The following RAB5C variants were observed in gnomAD, a reference collection of about 807,000 sequenced individuals.
The protein encoded by RAB5C is RAB5C, member RAS oncogene family, also known as ras-related protein Rab-5C.
Under a neutral mutation model 25.2 loss-of-function variants are expected in RAB5C, and 4 were observed. The observed-to-expected ratio is 0.16, with a 90% CI of 0.08 to 0.36. The LOEUF (loss-of-function observed/expected upper bound fraction) is 0.36. Ranked by LOEUF, RAB5C falls within the 10% of genes least tolerant of loss-of-function variation. The pLI, the probability that RAB5C is intolerant of heterozygous loss-of-function variation, is 1.00. For missense variants in RAB5C, 199 were observed against 283.8 expected, an observed-to-expected ratio of 0.70 and a Z score of 2.15; for synonymous variants, 100 against 106.4, an observed-to-expected ratio of 0.94 and a Z score of 0.37.
chr17:42,145,758 A>G (rs2079631621), intron 1 of RAB5C, among the ~76,000 whole-genome samples: 1 of 152,246 alleles, frequency 6.6e-6, no homozygotes, highest in South Asian at 2.1e-4. Context: ...TCTGTTAAAA[A>G]GAGAAAAATA....
chr17:42,131,791 C>G, intron 1 of RAB5C: 1 of 578,524 alleles, frequency 1.7e-6, no homozygotes, highest in Non-Finnish European at 3.1e-6. Context: ...TTTGGAATTG[C>G]AGACACATGA....
chr17:42,153,687 AAGGTAC>A, intron 1 of RAB5C, among the ~76,000 whole-genome samples: 1 of 152,280 alleles, frequency 6.6e-6, no homozygotes. Context: ...ACTCCTCGTT[AAGGTAC>A]AGTCTCCGGC....
At chr17:42,140,676 A>G (rs996199498) in intron 1 of RAB5C, among the ~76,000 whole-genome samples, 2 of 151,586 alleles carry the variant, frequency 1.3e-5, no homozygotes, top group Non-Finnish European at 2.9e-5. Flanking sequence ...GGTGTGCACC[A>G]CCATACCCAG....
chr17:42,127,832 T>C (rs932427058), intron 4 of RAB5C, among the ~76,000 whole-genome samples: 1 of 151,388 alleles, frequency 6.6e-6, no homozygotes, highest in Admixed American at 6.6e-5. Flanking sequence ...TGGCTGTTTT[T>C]TTTTTTTTTT....
intron 5 of RAB5C, among the ~76,000 whole-genome samples, chr17:42,126,372 C>T (rs1598241810): frequency 6.6e-6 from 1 of 152,042 alleles, no homozygotes; most frequent in East Asian, 1.9e-4. Flanking sequence ...GTGGCTTACG[C>T]TCGTAATCCC....
At chr17:42,152,693 C>A (rs764928037) in intron 1 of RAB5C, among the ~76,000 whole-genome samples, 8 of 151,722 alleles carry the variant, frequency 5.3e-5, no homozygotes, top group Non-Finnish European at 8.8e-5. Flanking sequence ...GCAGGAGAAT[C>A]CCTTGATCTC....
rs760405539 is a variant in RAB5C at position 42,128,778 on chromosome 17, G to A, written c.189C>T (p.Val63=). The A allele has an allele frequency of 2.6e-6, 4 of 1,556,500 alleles. No individual in the cohort carries two copies. The highest frequency in any genetic ancestry group is 3.5e-6 in the Non-Finnish European group (4 of 1,155,006). Reference sequence around the variant, plus strand: ...ACTTGACTGTTGTGTCATCCAGGCAGACAGTCTGTGTGAGGAAGGCCGCTG... The same window carrying A: ...ACTTGACTGTTGTGTCATCCAGGCAAACAGTCTGTGTGAGGAAGGCCGCTG... ...TIGAAFLTQT[V]CLDDTTVKFE... is the part of the protein sequence containing the mutation. The change falls in exon 3 of 6, where the codon GTC becomes GTT. Residue 63 remains valine (V), a synonymous_variant. Coordinates refer to ENST00000346213, the MANE Select transcript of RAB5C (RefSeq NM_004583.4).
At chr17:42,132,696 CT>C (rs1045420233) in intron 1 of RAB5C, among the ~76,000 whole-genome samples, 1 of 151,256 alleles carries the variant, frequency 6.6e-6, no homozygotes, top group Non-Finnish European at 1.5e-5. Flanking sequence ...TTCTTTCTTT[CT>C]TTCTTTCTTT....
chr17:42,131,605 A>C, intron 1 of RAB5C: 1 of 1,533,950 alleles, frequency 6.5e-7, no homozygotes, highest in Non-Finnish European at 8.7e-7. Flanking sequence ...TTCAATAGAG[A>C]CCTCAGTTCC....
At chr17:42,133,862 T>C (rs868384180) in intron 1 of RAB5C, among the ~76,000 whole-genome samples, 1 of 152,290 alleles carries the variant, frequency 6.6e-6, no homozygotes, top group African/African-American at 2.4e-5. Flanking sequence ...TCCAAGACTG[T>C]TGGTGAACAG....
chr17:42,140,438 C>T (rs895068455), intron 1 of RAB5C, among the ~76,000 whole-genome samples: 2 of 139,482 alleles, frequency 1.4e-5, no homozygotes, highest in African/African-American at 2.6e-5. Flanking sequence ...ACCTGAGGGA[C>T]GATGGCTATT....
At chr17:42,144,912 C>T (rs1182758136) in intron 1 of RAB5C, among the ~76,000 whole-genome samples, 26 of 68,116 alleles carry the variant, frequency 3.8e-4, no homozygotes, top group East Asian at 8.8e-4. Flanking sequence ...GGCGACAGAG[C>T]CAGACTCCGT....
chr17:42,149,627 A>G (rs2079657523), intron 1 of RAB5C, among the ~76,000 whole-genome samples: 1 of 152,290 alleles, frequency 6.6e-6, no homozygotes, highest in African/African-American at 2.4e-5. Flanking sequence ...GTTAGCTTCA[A>G]TTCATGCAAA....
chr17:42,140,794 G>A (rs9914148), intron 1 of RAB5C, among the ~76,000 whole-genome samples: 54,212 of 151,554 alleles, frequency 0.36, 13,141 homozygotes, highest in African/African-American at 0.69. Flanking sequence ...CCAAAGTGTT[G>A]GGATTACAGG....
At chr17:42,129,573 A>G (rs1031585494) in intron 2 of RAB5C, among the ~76,000 whole-genome samples, 5 of 152,224 alleles carry the variant, frequency 3.3e-5, no homozygotes, top group African/African-American at 1.2e-4. Flanking sequence ...AGCCATGTGT[A>G]GAAGGCTGCT....
At chr17:42,128,861 C>G in intron 2 of RAB5C, 61 bp from the exon 3 acceptor site, 8 of 1,350,616 alleles carry the variant, frequency 5.9e-6, no homozygotes, top group Non-Finnish European at 7.7e-6. Flanking sequence ...CACACAATCC[C>G]ACTGTTGCTT....
intron 1 of RAB5C, among the ~76,000 whole-genome samples, chr17:42,151,621 C>CT (rs11480811): frequency 0.11 from 17,080 of 152,068 alleles, 1,241 homozygotes; most frequent in East Asian, 0.36. Context: ...ACCAGAGGCC[C>CT]GCTCTGTTGC....
intron 1 of RAB5C, among the ~76,000 whole-genome samples, chr17:42,150,331 G>A (rs2079661944): frequency 6.6e-6 from 1 of 151,256 alleles, no homozygotes; most frequent in Non-Finnish European, 1.5e-5. Flanking sequence ...ATTACCTGAG[G>A]TCAGGAGATC....
At chr17:42,126,993 G>A (rs760069019) in intron 4 of RAB5C, 145 bp from the exon 5 acceptor site, 3 of 502,498 alleles carry the variant, frequency 6.0e-6, no homozygotes, top group Non-Finnish European at 1.1e-5. Flanking sequence ...CAGGCCTAAG[G>A]CTGCCCTGAT....
Sources: allele counts gnomAD v4.1 joint callset (sites outside exome capture counted in the v4.1 genomes callset), GRCh38; gene constraint gnomAD v4.1.1; transcripts MANE v1.5; gene names NCBI Gene and HGNC (gene_info 2026-07-23, HGNC 2026-07-21).